The following PDLIM2 variants were observed in gnomAD, a reference collection of about 807,000 sequenced individuals.
PDLIM2 encodes the protein PDZ and LIM domain 2, also known as PDZ and LIM domain protein 2.
A neutral mutation model predicts 54.1 loss-of-function variants in PDLIM2; 51 were observed. The observed-to-expected ratio is 0.94, with a 90% CI of 0.75 to 1.19. The LOEUF is 1.19. PDLIM2 is among the 50% of genes most tolerant of loss of function. The pLI is 0.00. For synonymous variants in PDLIM2, 398 were observed against 385.6 expected, an observed-to-expected ratio of 1.03 and a Z score of -0.38; for missense variants, 912 against 874.0, an observed-to-expected ratio of 1.04 and a Z score of -0.55.
intron 2 of PDLIM2, 162 bp from the exon 2 acceptor site, chr8:22,581,217 G>T: frequency 2.2e-6 from 2 of 889,344 alleles, no homozygotes; most frequent in Non-Finnish European, 3.4e-6. Flanking sequence ...CTCCTGGAGG[G>T]GATGGCTGAT....
exon 1 of PDLIM2, chr8:22,579,184 C>T: frequency 7.2e-7 from 1 of 1,381,402 alleles, no homozygotes; most frequent in Non-Finnish European, 9.4e-7. Flanking sequence ...TCCCTCCCTC[C>T]CGGGCCTGGG....
At chr8:22,589,775 G>T in intron 8 of PDLIM2, 34 bp downstream of exon 7, 1 of 1,552,444 alleles carries the variant, frequency 6.4e-7, no homozygotes, top group Non-Finnish European at 8.7e-7. Context: ...GGGGAAGGAG[G>T]TTCCCTTCCG....
chr8:22,581,362 G>C lies in PDLIM2; in HGVS notation c.844-17G>C, dbSNP rs1471526317. 2 of 1,586,734 alleles carry C rather than the reference G, an allele frequency of 1.3e-6. No homozygotes were observed. The highest frequency in any genetic ancestry group is 1.7e-6 in the Non-Finnish European group (2 of 1,168,672). Reference sequence around the variant, plus strand: ...GCTGGGCCACGGTCTGAGCATGCCAGCTCCTCATCCCTACAGGTGGCCGAG... The same window carrying C: ...GCTGGGCCACGGTCTGAGCATGCCACCTCCTCATCCCTACAGGTGGCCGAG... On this transcript the variant is annotated splice_polypyrimidine_tract_variant and intron_variant, in intron 2 of 9. Transcript: ENST00000308354.
chr8:22,597,376 G>T (rs925607656), downstream of PDLIM2: 4 of 152,306 alleles, frequency 2.6e-5, no homozygotes, highest in Admixed American at 6.5e-5. Flanking sequence ...TCCTGCCCCC[G>T]TGCCCGCCAG....
In PDLIM2 at chr8:22,589,398, G is replaced by A. The variant is rs374147023; in HGVS notation, c.1367+24G>A. On this transcript the variant is annotated intron_variant, in intron 7 of 9. Coordinates refer to ENST00000308354, the Ensembl canonical transcript of PDLIM2. ...AGGTACCAGCAGGCCCCGGAGGGTCGGGTTGGGGTCTTGGAAGGCTGGGAG... is the reference window on the plus strand; with the variant it reads ...AGGTACCAGCAGGCCCCGGAGGGTCAGGTTGGGGTCTTGGAAGGCTGGGAG... The A allele has an allele frequency of 3.3e-6, 5 of 1,535,848 alleles. 1 individual carries two copies. The highest frequency in any genetic ancestry group is 2.4e-5 in the East Asian group (1 of 40,868).
chr8:22,579,122 C>G, exon 1 of PDLIM2: 1 of 1,279,162 alleles, frequency 7.8e-7, no homozygotes, highest in South Asian at 2.8e-5. Context: ...CCCGGGCGGG[C>G]TCTCCCCAGA....
chr8:22,588,897 G>T, intron 6 of PDLIM2: 1 of 275,430 alleles, frequency 3.6e-6, no homozygotes. Flanking sequence ...AAAGGGCAGC[G>T]TGCTTCCTCT....
chr8:22,585,186 C>A (rs1586922779), intron 5 of PDLIM2, 24 bp downstream of exon 4: 2 of 1,610,694 alleles, frequency 1.2e-6, no homozygotes, highest in Non-Finnish European at 1.7e-6. Context: ...TGAGTGGGTA[C>A]CCTGGTCGCC....
chr8:22,593,473 A>C, intron 9 of PDLIM2: 1 of 430,536 alleles, frequency 2.3e-6, no homozygotes, highest in East Asian at 3.9e-5. Context: ...GCTACTCAGG[A>C]GGCTGGTGCA....
At chr8:22,592,077 C>CTTTTCTTTTCTTTTCTTTTCT (rs143613807) in intron 9 of PDLIM2, 2 of 95,186 alleles carry the variant, frequency 2.1e-5, no homozygotes, top group Admixed American at 1.3e-4. Context: ...TCTTTCTTTT[C>CTTTTCTTTTCTTTTCTTTTCT]TTTTTTTTTT....
chr8:22,589,501 T>TGCCCC, intron 7 of PDLIM2, 95 bp from the exon 7 acceptor site: 3 of 1,503,338 alleles, frequency 2.0e-6, no homozygotes, highest in African/African-American at 1.4e-5. Context: ...CCCAGATTCC[T>TGCCCC]CCCCCTCCCC....
At chr8:22,580,312 A>T (rs1466305308) in intron 1 of PDLIM2, 163 bp from the exon 1 acceptor site, 2 of 509,010 alleles carry the variant, frequency 3.9e-6, no homozygotes, top group African/African-American at 3.9e-5. Context: ...CCCATGCTCC[A>T]GCAAGCCCCC....
chr8:22,581,337 G>A, intron 2 of PDLIM2, 42 bp from the exon 2 acceptor site: 1 of 1,554,916 alleles, frequency 6.4e-7, no homozygotes, highest in Non-Finnish European at 8.7e-7. Context: ...CCCTTCTCCA[G>A]CTGGGCCACG....
intron 8 of PDLIM2, chr8:22,591,117 CG>C (rs1563874758): frequency 4.5e-6 from 1 of 222,764 alleles, no homozygotes; most frequent in African/African-American, 2.4e-5. Context: ...TGCAGACGGG[CG>C]ACAGCTGCCC....
chr8:22,584,781 A>T, intron 3 of PDLIM2, 40 bp from the exon 3 acceptor site: 1 of 1,595,780 alleles, frequency 6.3e-7, no homozygotes, highest in Non-Finnish European at 8.6e-7. Flanking sequence ...TGCAGGGTGC[A>T]GGGCCCCTGT....
chr8:22,579,206 ACAGGTGAGCGGCAGC>A lies in PDLIM2; in HGVS notation c.438_452del (p.Gln147_Arg151del). On this transcript the variant is annotated inframe_deletion, in exon 1 of 10. Transcript: ENST00000308354. ...CTCCCGGGCCTGGGCGCCCAGCCGG[ACAGGTGAGCGGCAGC>A]CAGGTGAGCGCGCCCACCTGCGCCT... 3 of 1,386,802 alleles carry A rather than the reference ACAGGTGAGCGGCAGC, an allele frequency of 2.2e-6. 1 individual carries two copies. Among genetic ancestry groups the A allele is most frequent in the Non-Finnish European group, 2.8e-6 (3 of 1,072,438 alleles). The allele number at this position is 1,386,802 out of a possible 1,614,324, so 85.9% of individuals were successfully genotyped here.
downstream of PDLIM2, chr8:22,594,963 T>G (rs1202657226): frequency 8.4e-6 from 2 of 238,482 alleles, no homozygotes; most frequent in African/African-American, 4.7e-5. Flanking sequence ...ATGTGGCCAG[T>G]GCCAGGTGAG....
In PDLIM2 at chr8:22,585,062, T is replaced by A. The variant is rs2294049; in HGVS notation, c.1111T>A (p.Ser371Thr). 2.0e-5 allele frequency: 33 copies of A among 1,613,850 alleles called. No homozygotes were observed. The East Asian group carries it at 7.4e-4, about 36-fold the overall frequency. ...TGAGAGTCAGTCCTCCTTAAGGTCC[T>A]CCTACTCCAGCCCAACCTCCCTCAG... is the stretch of plus-strand genomic sequence containing the variant. The change falls in exon 5 of 10, where the codon TCC (serine) becomes ACC (threonine). Residue 371 changes from serine to threonine, a missense_variant. Physicochemically the swap from Ser to Thr is moderately conservative, Grantham distance 58 (BLOSUM62 1). Coordinates refer to ENST00000308354, the Ensembl canonical transcript of PDLIM2.
intron 8 of PDLIM2, 87 bp from the exon 8 acceptor site, chr8:22,591,464 C>G (rs1347626873): frequency 8.2e-7 from 1 of 1,220,574 alleles, no homozygotes; most frequent in African/African-American, 1.5e-5. Context: ...TATAAGGGTG[C>G]TTTCCAAGAC....
Sources: gnomAD v4.1 joint callset for allele counts on GRCh38, gnomAD v4.1.1 for gene constraint, MANE v1.5 for transcripts, NCBI Gene and HGNC (gene_info 2026-07-23, HGNC 2026-07-21) for gene names.